The following RPS6KA2 variants were observed in gnomAD, a reference collection of about 807,000 sequenced individuals.
RPS6KA2 encodes the protein ribosomal protein S6 kinase A2, also known as ribosomal protein S6 kinase alpha-2.
RPS6KA2 carries 42 observed loss-of-function variants against 91.8 expected under a neutral mutation model. The ratio of observed to expected loss-of-function variants is 0.46; its 90% CI spans 0.36 to 0.59. The LOEUF is 0.59. Among genes scored for constraint, RPS6KA2 ranks in the 20% least tolerant of loss-of-function variants. The probability of loss-of-function intolerance (pLI) is 0.00; values close to 1 mark genes in which losing one functional copy is unlikely to be tolerated. For synonymous variants in RPS6KA2, 414 were observed against 393.6 expected, an observed-to-expected ratio of 1.05 and a Z score of -0.61; for missense variants, 798 against 978.5, an observed-to-expected ratio of 0.82 and a Z score of 2.46.
At chr6:166,540,836 A>C (rs1219642903) in intron 1 of RPS6KA2, among the ~76,000 whole-genome samples, 1 of 152,138 alleles carries the variant, frequency 6.6e-6, no homozygotes, top group Non-Finnish European at 1.5e-5. Context: ...ACTACCTTCC[A>C]CGCGGCTGCT....
At chr6:166,520,260 C>G (rs1228609461) in intron 3 of RPS6KA2, among the ~76,000 whole-genome samples, 1 of 152,102 alleles carries the variant, frequency 6.6e-6, no homozygotes, top group Non-Finnish European at 1.5e-5. Context: ...TGGACTGGAA[C>G]TTATACCACC....
chr6:166,651,107 A>T (rs1046061534), intron 2 of RPS6KA2, among the ~76,000 whole-genome samples: 2 of 152,188 alleles, frequency 1.3e-5, no homozygotes, highest in African/African-American at 2.4e-5. Flanking sequence ...CCTTGCTCAG[A>T]TCACTCCAGT....
intron 2 of RPS6KA2, among the ~76,000 whole-genome samples, chr6:166,646,385 GA>G (rs1787602426): frequency 6.6e-6 from 1 of 152,232 alleles, no homozygotes; most frequent in South Asian, 2.1e-4. Flanking sequence ...GGCCCTGAAA[GA>G]GAAAGAACAC....
At chr6:166,491,084 T>C (rs540926646) in intron 8 of RPS6KA2, among the ~76,000 whole-genome samples, 1 of 152,306 alleles carries the variant, frequency 6.6e-6, no homozygotes, top group Non-Finnish European at 1.5e-5. Flanking sequence ...TTTAGGAACC[T>C]GTCCTGCCCT....
intron 3 of RPS6KA2, among the ~76,000 whole-genome samples, chr6:166,518,513 T>C (rs1005945469): frequency 2.0e-5 from 3 of 152,206 alleles, no homozygotes; most frequent in Non-Finnish European, 4.4e-5. Flanking sequence ...ACTATCATTA[T>C]GCTTATAATA....
At position 166,531,216 on chromosome 6, in the gene RPS6KA2, C is replaced by T; in HGVS notation, c.298+16G>A. ...TTACCTGTCTCTGAAGCAGCCGGCC[C>T]TTCCGAAGCTCTTACCTTTTAGGGT... On this transcript the variant is annotated intron_variant, in intron 3 of 20. Transcript: ENST00000265678. The T allele has an allele frequency of 6.3e-7, 1 of 1,596,818 alleles. No individual in the cohort carries two copies. The highest frequency in any genetic ancestry group is 8.6e-7 in the Non-Finnish European group (1 of 1,164,236).
intron 5 of RPS6KA2, among the ~76,000 whole-genome samples, chr6:166,505,057 G>C (rs780925132): frequency 6.6e-6 from 1 of 152,180 alleles, no homozygotes; most frequent in Non-Finnish European, 1.5e-5. Flanking sequence ...TTTCCCCATG[G>C]ATTATCTATC....
At chr6:166,454,059 G>C (rs1780005980) in intron 12 of RPS6KA2, among the ~76,000 whole-genome samples, 1 of 152,154 alleles carries the variant, frequency 6.6e-6, no homozygotes, top group South Asian at 2.1e-4. Context: ...GACGTGGAAG[G>C]GTGGGAGAAG....
intron 2 of RPS6KA2, among the ~76,000 whole-genome samples, chr6:166,793,387 A>G (rs1456840182): frequency 2.0e-5 from 3 of 149,060 alleles, no homozygotes; most frequent in Non-Finnish European, 4.4e-5. Flanking sequence ...TTCCATGCTC[A>G]TGGGTAGGAA....
intron 14 of RPS6KA2, among the ~76,000 whole-genome samples, chr6:166,446,929 A>G (rs1408937242): frequency 6.6e-6 from 1 of 152,238 alleles, no homozygotes; most frequent in East Asian, 1.9e-4. Context: ...TACGAAGCAC[A>G]TGTGAAATAC....
intron 11 of RPS6KA2, chr6:166,460,566 G>C (rs911228543): frequency 6.6e-6 from 1 of 152,448 alleles, no homozygotes; most frequent in Non-Finnish European, 1.5e-5. Context: ...ATTCAGTAGA[G>C]GATGCTGGGT....
In RPS6KA2 at chr6:166,732,961, G is replaced by C. The variant is rs1259002608; in HGVS notation, c.123+125239C>G. Among the ~76,000 whole-genome samples the C allele has an allele frequency of 6.6e-6, 1 of 152,212 alleles. No individual in the cohort carries two copies. The highest frequency in any genetic ancestry group is 1.5e-5 in the Non-Finnish European group (1 of 68,036). ...GGCTTAGAGGAAATGAGGAACCGGA[G>C]CGGCTGGGGTGCAGGGTGGGAGGCA... On this transcript the variant is annotated intron_variant, in intron 2 of 21. Transcript: ENST00000503859. The surrounding 1 kb of genome is among the most constrained non-coding windows in gnomAD (Gnocchi z 4.0).
chr6:166,602,636 C>G (rs376863852), intron 1 of RPS6KA2, among the ~76,000 whole-genome samples: 3 of 152,138 alleles, frequency 2.0e-5, no homozygotes, highest in Admixed American at 6.5e-5. Context: ...TTATATGACA[C>G]GTAAACTGCA....
chr6:166,761,650 G>A (rs1037884737), intron 2 of RPS6KA2, among the ~76,000 whole-genome samples: 5 of 152,194 alleles, frequency 3.3e-5, no homozygotes, highest in African/African-American at 1.2e-4. Context: ...GCAATATTTT[G>A]TGTCTTCCTC....
At chr6:166,585,083 G>A (rs1179502099) in intron 1 of RPS6KA2, among the ~76,000 whole-genome samples, 1 of 151,190 alleles carries the variant, frequency 6.6e-6, no homozygotes, top group Non-Finnish European at 1.5e-5. Flanking sequence ...TGACGATGTT[G>A]CTACAACGAT....
At chr6:166,781,066 C>T (rs1246436466) in intron 2 of RPS6KA2, among the ~76,000 whole-genome samples, 1 of 152,210 alleles carries the variant, frequency 6.6e-6, no homozygotes, top group Non-Finnish European at 1.5e-5. Flanking sequence ...TCTAAAGAAA[C>T]AGTATTGCTG....
intron 2 of RPS6KA2, among the ~76,000 whole-genome samples, chr6:166,800,320 C>A (rs886185430): frequency 6.6e-6 from 1 of 152,202 alleles, no homozygotes; most frequent in East Asian, 1.9e-4. Flanking sequence ...GGGGAGCAGC[C>A]CAGCTCCCGG....
chr6:166,564,717 C>A (rs555230905), intron 1 of RPS6KA2, among the ~76,000 whole-genome samples: 1 of 152,138 alleles, frequency 6.6e-6, no homozygotes, highest in African/African-American at 2.4e-5. Flanking sequence ...ACACAAATAA[C>A]GCAGTCTAGA....
chr6:166,506,054 C>T (rs117081496), intron 5 of RPS6KA2, among the ~76,000 whole-genome samples: 29 of 152,262 alleles, frequency 1.9e-4, no homozygotes, highest in African/African-American at 4.8e-4. Flanking sequence ...GCAGGTTCAC[C>T]GGCACAGCGA....
Sources: allele counts gnomAD v4.1 joint callset (sites outside exome capture counted in the v4.1 genomes callset), GRCh38; gene constraint gnomAD v4.1.1; non-coding constraint Gnocchi (gnomAD v3.1); transcripts MANE v1.5; gene names NCBI Gene and HGNC (gene_info 2026-07-23, HGNC 2026-07-21).